CCDC88C: variants seen among roughly 807,000 people sequenced by gnomAD.
CCDC88C encodes the protein coiled-coil and HOOK domain protein 88C, also known as protein Daple.
A neutral mutation model predicts 198.8 loss-of-function variants in CCDC88C; 131 were observed. That is an observed-to-expected ratio of 0.66 (90% CI 0.57 to 0.76). The LOEUF is 0.76. CCDC88C is among the 30% of genes least tolerant of loss of function. CCDC88C has a pLI of 0.00. For missense variants in CCDC88C, 2,553 were observed against 2,631.6 expected, an observed-to-expected ratio of 0.97 and a Z score of 0.65; for synonymous variants, 1,166 against 1,114.7, an observed-to-expected ratio of 1.05 and a Z score of -0.92.
At chr14:91,337,958 G>C (rs375640760) in intron 10 of CCDC88C, 47 bp downstream of exon 10, 117 of 1,600,282 alleles carry the variant, frequency 7.3e-5, no homozygotes, top group Non-Finnish European at 9.8e-5. Flanking sequence ...TGCTTCTCAG[G>C]AATTTCCAGC....
chr14:91,293,362 C>G (rs1351145591), intron 23 of CCDC88C, among the ~76,000 whole-genome samples: 1 of 95,756 alleles, frequency 1.0e-5, no homozygotes, highest in Non-Finnish European at 2.1e-5. Flanking sequence ...TCGCCTGCCA[C>G]GGCCCACCTT....
Position 91,313,236 on chromosome 14 carries a change from G to A in CCDC88C, c.2580C>T (p.Ala860=). 1.2e-6 allele frequency: 2 copies of A among 1,613,990 alleles called. No homozygotes were observed. The highest frequency in any genetic ancestry group is 1.7e-6 in the Non-Finnish European group (2 of 1,179,906). ...TCTCCTTCTCAACGGCGGACAGTTT[G>A]GCAGTGCTATCGTCCAAGACTGCAT... ...LKDAVLDDST[A]KLSAVEKESR... is the part of the protein sequence containing the mutation. Residue 860 remains alanine, a synonymous_variant, in exon 15 of 30, where the codon GCC becomes GCT. Coordinates refer to ENST00000389857, the MANE Select transcript of CCDC88C (RefSeq NM_001080414.4). This position sits in a 1 kb window ranked among gnomAD's most constrained non-coding sequence, Gnocchi z 5.2.
At position 91,347,152 on chromosome 14, in the gene CCDC88C, C is replaced by T. The variant is rs1419237341; in HGVS notation, c.341-3495G>A. The stretch of plus-strand genomic sequence containing the variant: ...GAAAGGCCACTCACCTGGTACTGTA[C>T]CCACCACAGGAGCTGAAACACTAAG... On this transcript the variant is annotated intron_variant, in intron 4 of 29. Coordinates refer to ENST00000389857, the MANE Select transcript of CCDC88C (RefSeq NM_001080414.4). Among the ~76,000 whole-genome samples, 9 of 152,256 alleles carry T rather than the reference C, an allele frequency of 5.9e-5. No individual in the cohort carries two copies. In the East Asian group the frequency reaches 1.2e-3, roughly 20 times the overall value.
At position 91,273,990 on chromosome 14, in the gene CCDC88C, G is replaced by A. The variant is rs1420512356; in HGVS notation, c.5059-337C>T. Among the ~76,000 whole-genome samples, 7 of 152,076 alleles carry A rather than the reference G, an allele frequency of 4.6e-5. No individual in the cohort carries two copies. The highest frequency in any genetic ancestry group is 1.4e-4 in the African/African-American group (6 of 41,382). ...AACCTCGACTATAGCCGACTGCTTC[G>A]GTCTGTCTGGTTTCCACCAAGCACA... On this transcript the variant is annotated intron_variant, in intron 29 of 29. Transcript: ENST00000389857. This position sits in a 1 kb window ranked among gnomAD's most constrained non-coding sequence, Gnocchi z 5.6.
chr14:91,381,704 C>T lies in CCDC88C; in HGVS notation c.271-21993G>A, dbSNP rs781555685. 5.9e-5 allele frequency among the ~76,000 whole-genome samples: 9 copies of T among 152,106 alleles called. No individual in the cohort carries two copies. Among genetic ancestry groups the T allele is most frequent in the Admixed American group, 4.6e-4 (7 of 15,268 alleles). On this transcript the variant is annotated intron_variant, in intron 3 of 29. Transcript: ENST00000389857. This position sits in a 1 kb window ranked among gnomAD's most constrained non-coding sequence, Gnocchi z 4.2. ...AAACAATTATCTGGGCATGGTGGCG[C>T]GTGCATGTAATTCCAGGTACTTGGG...
intron 17 of CCDC88C, among the ~76,000 whole-genome samples, chr14:91,307,799 C>T (rs779472060): frequency 6.6e-6 from 1 of 152,100 alleles, no homozygotes; most frequent in Non-Finnish European, 1.5e-5. Flanking sequence ...TGTGCACACA[C>T]GTGGTGGGCA....
At position 91,272,731 on chromosome 14, in the gene CCDC88C, C is replaced by A. The variant is rs187949234; in HGVS notation, c.5981G>T (p.Arg1994Leu). ...RSPDLAPHLGRALEDCSRGSV... is the reference protein window; with the variant it reads ...RSPDLAPHLGLALEDCSRGSV... The stretch of plus-strand genomic sequence containing the variant: ...CCCTCGACTGCAGTCCTCCAGGGCC[C>A]GGCCGAGGTGGGGAGCCAAATCGGG... Residue 1994 changes from arginine (R) to leucine (L), a missense_variant, in exon 30 of 30, where the codon CGG becomes CTG. Coordinates refer to ENST00000389857, the MANE Select transcript of CCDC88C (RefSeq NM_001080414.4). The A allele has an allele frequency of 1.3e-4, 214 of 1,610,252 alleles. No homozygotes were observed. In the African/African-American group the frequency reaches 2.8e-3, roughly 21 times the overall value.
intron 3 of CCDC88C, among the ~76,000 whole-genome samples, chr14:91,406,208 T>C (rs1254369230): frequency 6.6e-6 from 1 of 152,238 alleles, no homozygotes; most frequent in Non-Finnish European, 1.5e-5. Flanking sequence ...CAGAGCTGGA[T>C]GGACCCTCAG....
chr14:91,324,988 C>T, intron 11 of CCDC88C, 65 bp from the exon 12 acceptor site: 1 of 1,598,844 alleles, frequency 6.3e-7, no homozygotes, highest in Non-Finnish European at 8.5e-7. Context: ...GGACAAGCCT[C>T]AGCCCCTGTA....
At position 91,284,850 on chromosome 14, in the gene CCDC88C, T is replaced by C. The variant is rs553862785; in HGVS notation, c.4442-1333A>G. ...AAACATGCAGGTAATCATATTTTTG[T>C]AGGTAATCATAGACGGTATCAGGAT... On this transcript the variant is annotated intron_variant, in intron 25 of 29. Transcript: ENST00000389857. This position sits in a 1 kb window ranked among gnomAD's most constrained non-coding sequence, Gnocchi z 4.1. Among the ~76,000 whole-genome samples, 8 of 152,324 alleles carry C rather than the reference T, an allele frequency of 5.3e-5. 1 individual carries two copies. In the South Asian group the frequency reaches 1.7e-3, roughly 32 times the overall value.
rs570983789 is a variant in CCDC88C at position 91,336,487 on chromosome 14, A to C, written c.1050+1518T>G. ...GAGGAGCTGCTGAGGTGGTTTGTGC[A>C]TGACAGTCCCCAGCCCTCCCACCCG... On this transcript the variant is annotated intron_variant, in intron 10 of 29. Coordinates refer to ENST00000389857, the MANE Select transcript of CCDC88C (RefSeq NM_001080414.4). Among the ~76,000 whole-genome samples, 5 of 152,296 alleles carry C rather than the reference A, an allele frequency of 3.3e-5. No homozygotes were observed. The East Asian group carries it at 9.6e-4, about 29-fold the overall frequency.
chr14:91,383,634 T>C (rs1040458161), intron 3 of CCDC88C, among the ~76,000 whole-genome samples: 5 of 152,196 alleles, frequency 3.3e-5, no homozygotes, highest in East Asian at 1.9e-4. Flanking sequence ...TGCTGCTTAA[T>C]AGTGTGGGGA....
chr14:91,415,345 CT>C (rs1368575380), intron 2 of CCDC88C, among the ~76,000 whole-genome samples: 2 of 150,584 alleles, frequency 1.3e-5, no homozygotes, highest in Non-Finnish European at 2.9e-5. Flanking sequence ...TTGGTAGTGA[CT>C]TTTTTTCCTA....
intron 3 of CCDC88C, among the ~76,000 whole-genome samples, chr14:91,403,812 C>T (rs1164503044): frequency 6.6e-6 from 1 of 152,184 alleles, no homozygotes; most frequent in African/African-American, 2.4e-5. Context: ...CACTGGTGGT[C>T]CCAGCTACTC....
rs570846021 is a variant in CCDC88C at position 91,289,197 on chromosome 14, G to T, written c.4349C>A (p.Pro1450Gln). The stretch of plus-strand genomic sequence containing the variant: ...GGGGTTCTCGGCCTGTGATCTGAGC[G>T]GCTGAGAGGCCGCCGGCGAGGCGGG... ...SDPASPAASQPLRSQAENPDT... is the reference protein window; with the variant it reads ...SDPASPAASQQLRSQAENPDT... The change falls in exon 25 of 30, where the codon CCG becomes CAG. Residue 1450 changes from proline (P) to glutamine (Q), a missense_variant. Transcript: ENST00000389857. The T allele has an allele frequency of 2.5e-6, 4 of 1,613,860 alleles. No homozygotes were observed. The Admixed American group carries it at 5.0e-5, about 20-fold the overall frequency.
chr14:91,372,538 C>CGGGG (rs564281124), intron 3 of CCDC88C, among the ~76,000 whole-genome samples: 1 of 14,818 alleles, frequency 6.7e-5, no homozygotes, highest in African/African-American at 4.1e-4. Context: ...CGGGGGGGGG[C>CGGGG]GGGCGGGGGG....
At chr14:91,378,392 G>C (rs1294835846) in intron 3 of CCDC88C, among the ~76,000 whole-genome samples, 1 of 152,208 alleles carries the variant, frequency 6.6e-6, no homozygotes, top group East Asian at 1.9e-4. Context: ...CGCTGGGCCT[G>C]ACATGCAGGG....
intron 3 of CCDC88C, among the ~76,000 whole-genome samples, chr14:91,404,839 C>T (rs1403018341): frequency 2.0e-5 from 3 of 151,962 alleles, no homozygotes; most frequent in Non-Finnish European, 4.4e-5. Context: ...GTGGCAGGTG[C>T]CTGTAGTCCC....
At chr14:91,416,990 C>T (rs1254320923) in intron 1 of CCDC88C, among the ~76,000 whole-genome samples, 152 bp from the exon 2 acceptor site, 1 of 152,206 alleles carries the variant, frequency 6.6e-6, no homozygotes, top group Non-Finnish European at 1.5e-5. Flanking sequence ...CCAAGCCCGG[C>T]CTTCTCCTAG....
Sources: allele counts gnomAD v4.1 joint callset (sites outside exome capture counted in the v4.1 genomes callset), GRCh38; gene constraint gnomAD v4.1.1; non-coding constraint Gnocchi (gnomAD v3.1); transcripts MANE v1.5; gene names NCBI Gene and HGNC (gene_info 2026-07-23, HGNC 2026-07-21).